Variants in NOX4 observed in about 807,000 individuals in gnomAD.
The protein encoded by NOX4 is NADPH oxidase 4.
NOX4 carries 69 observed loss-of-function variants against 87.6 expected under a neutral mutation model. The ratio of observed to expected loss-of-function variants is 0.79; its 90% CI spans 0.65 to 0.96. The LOEUF (loss-of-function observed/expected upper bound fraction) is 0.96, where lower values mean the gene tolerates loss of function less well. Ranked by LOEUF, NOX4 falls within the 40% of genes least tolerant of loss-of-function variation. The probability of loss-of-function intolerance (pLI) is 0.00; values close to 1 mark genes in which losing one functional copy is unlikely to be tolerated. For synonymous variants in NOX4, 275 were observed against 238.2 expected (o/e 1.15, Z -1.42); for missense variants, 680 against 681.5 (o/e 1.00, Z 0.02).
intron 17 of NOX4, among the ~76,000 whole-genome samples, chr11:89,331,011 GT>G (rs1945446438): frequency 6.6e-6 from 1 of 151,910 alleles, no homozygotes; most frequent in South Asian, 2.1e-4. Flanking sequence ...TTTGTAGAAT[GT>G]TCTATCTAAC....
the NOX4 span, among the ~76,000 whole-genome samples, chr11:89,572,481 T>C: frequency 0.53 from 80,483 of 152,068 alleles, 22,302 homozygotes; most frequent in African/African-American, 0.69. Context: ...ATTAAGTTCT[T>C]CTTGAGACAA....
chr11:89,462,488 T>C (rs1008545136), intron 2 of NOX4, among the ~76,000 whole-genome samples: 1 of 152,148 alleles, frequency 6.6e-6, no homozygotes, highest in African/African-American at 2.4e-5. Flanking sequence ...TAATTCAGAA[T>C]GTGTTTCTTG....
chr11:89,364,274 GTGTATATATATGTTTACA>G (rs1389531502), intron 12 of NOX4, among the ~76,000 whole-genome samples: 2 of 151,798 alleles, frequency 1.3e-5, no homozygotes, highest in African/African-American at 2.4e-5. Context: ...CTCTGTTTGT[GTGTATATATATGTTTACA>G]TACACACATA....
upstream of NOX4, among the ~76,000 whole-genome samples, chr11:89,493,437 T>C (rs985848050): frequency 6.6e-6 from 1 of 151,968 alleles, no homozygotes; most frequent in African/African-American, 2.4e-5. Flanking sequence ...ATGAAGAAAT[T>C]TGCTTGAGGT....
At chr11:89,584,906 T>C in the NOX4 span, among the ~76,000 whole-genome samples, 2 of 152,168 alleles carry the variant, frequency 1.3e-5, no homozygotes, top group African/African-American at 2.4e-5. Flanking sequence ...ACAATGATTG[T>C]CTTCATTTTT....
At chr11:89,364,136 A>C (rs532082897) in intron 12 of NOX4, among the ~76,000 whole-genome samples, 1 of 152,010 alleles carries the variant, frequency 6.6e-6, no homozygotes, top group East Asian at 1.9e-4. Flanking sequence ...AGTCCTCACT[A>C]CTTGGGAAGC....
chr11:89,333,160 T>G, intron 17 of NOX4, among the ~76,000 whole-genome samples: 1 of 151,920 alleles, frequency 6.6e-6, no homozygotes, highest in East Asian at 1.9e-4. Context: ...ATTAGGGTAG[T>G]AGGAGTCATG....
At chr11:89,507,456 G>A in the NOX4 span, among the ~76,000 whole-genome samples, 1 of 151,084 alleles carries the variant, frequency 6.6e-6, no homozygotes, top group South Asian at 2.1e-4. Flanking sequence ...AATATACAAT[G>A]CATATGTCAT....
chr11:89,562,885 G>C, the NOX4 span, among the ~76,000 whole-genome samples: 1 of 152,292 alleles, frequency 6.6e-6, no homozygotes, highest in African/African-American at 2.4e-5. Flanking sequence ...GGAGGGACCT[G>C]GTGGGAGGTA....
At chr11:89,347,362 C>A (rs569598855) in intron 13 of NOX4, among the ~76,000 whole-genome samples, 8 of 152,292 alleles carry the variant, frequency 5.3e-5, no homozygotes, top group African/African-American at 1.7e-4. Context: ...TGCCCTGAGG[C>A]AAGCAATTGC....
At chr11:89,382,891 G>T (rs1940401336) in intron 11 of NOX4, among the ~76,000 whole-genome samples, 1 of 152,010 alleles carries the variant, frequency 6.6e-6, no homozygotes, top group Admixed American at 6.5e-5. Flanking sequence ...TTAGCATTTA[G>T]GCTCTTTTTC....
the NOX4 span, among the ~76,000 whole-genome samples, chr11:89,515,436 G>A: frequency 6.6e-6 from 1 of 150,638 alleles, no homozygotes; most frequent in African/African-American, 2.4e-5. Flanking sequence ...TTATTGCAGT[G>A]TGTCTGTTTT....
At chr11:89,377,450 C>T (rs1368763355) in intron 11 of NOX4, among the ~76,000 whole-genome samples, 5 of 151,990 alleles carry the variant, frequency 3.3e-5, no homozygotes, top group Non-Finnish European at 5.9e-5. Context: ...TGGAGAAATA[C>T]GTATTTTAAT....
intron 4 of NOX4, among the ~76,000 whole-genome samples, chr11:89,448,309 G>T (rs1944798443): frequency 6.6e-6 from 1 of 152,048 alleles, no homozygotes. Context: ...ACCTACGCAT[G>T]GACTCCTCGG....
intron 12 of NOX4, among the ~76,000 whole-genome samples, chr11:89,365,657 C>A (rs1402108667): frequency 6.9e-6 from 1 of 144,168 alleles, no homozygotes; most frequent in Non-Finnish European, 1.5e-5. Flanking sequence ...CAGCTCCATA[C>A]TAATTCAGTT....
At chr11:89,461,164 G>C (rs967460860) in intron 2 of NOX4, among the ~76,000 whole-genome samples, 9 of 151,938 alleles carry the variant, frequency 5.9e-5, no homozygotes, top group Non-Finnish European at 1.0e-4. Context: ...GTTGTGGGGT[G>C]GGGGGAGCCG....
the NOX4 span, among the ~76,000 whole-genome samples, chr11:89,541,877 T>A: frequency 6.6e-6 from 1 of 152,208 alleles, no homozygotes; most frequent in African/African-American, 2.4e-5. Flanking sequence ...TAGAATGCAG[T>A]AGTGCAATCA....
intron 8 of NOX4, among the ~76,000 whole-genome samples, chr11:89,418,461 T>TAAA (rs869072390): frequency 5.5e-5 from 8 of 144,900 alleles, no homozygotes; most frequent in Non-Finnish European, 1.2e-4. Flanking sequence ...ATAATAATAA[T>TAAA]AAATTTACAG....
chr11:89,480,398 T>C (rs748753686), intron 2 of NOX4, among the ~76,000 whole-genome samples: 9 of 152,132 alleles, frequency 5.9e-5, no homozygotes, highest in Non-Finnish European at 1.3e-4. Context: ...CTTCCACATC[T>C]GTGAAACTTA....
Sources: gnomAD v4.1 joint callset for allele counts (sites outside exome capture counted in the v4.1 genomes callset) on GRCh38, gnomAD v4.1.1 for gene constraint, MANE v1.5 for transcripts, NCBI Gene and HGNC (gene_info 2026-07-23, HGNC 2026-07-21) for gene names.